FER1L6: variants seen among roughly 807,000 people sequenced by gnomAD.
FER1L6 encodes fer-1 like family member 6, also known as fer-1-like protein 6.
In FER1L6, 177 loss-of-function variants were observed where a neutral mutation model predicts 219.2. That is an observed-to-expected ratio of 0.81 (90% CI 0.71 to 0.91). FER1L6 has a LOEUF of 0.91. FER1L6 is among the 40% of genes least tolerant of loss of function. The probability of loss-of-function intolerance (pLI) is 0.00; values close to 1 mark genes in which losing one functional copy is unlikely to be tolerated. For missense variants in FER1L6, 2,153 were observed against 2,259.9 expected (o/e 0.95, Z 0.96); for synonymous variants, 768 against 824.3 (o/e 0.93, Z 1.17).
chr8:123,865,759 AC>A, intron 1 of FER1L6, among the ~76,000 whole-genome samples: 1 of 151,206 alleles, frequency 6.6e-6, no homozygotes, highest in East Asian at 1.9e-4. Flanking sequence ...TGCGTCCGTC[AC>A]CCCTTTCTTT....
chr8:124,011,612 C>T (rs1016615712), intron 14 of FER1L6, among the ~76,000 whole-genome samples: 3 of 150,862 alleles, frequency 2.0e-5, no homozygotes, highest in Non-Finnish European at 2.9e-5. Context: ...CCCAAGAAGT[C>T]GGAACTACAG....
rs376127753 is a variant in FER1L6, at chr8:124,086,129, CG to C, written c.4391+3673del. On this transcript the variant is annotated intron_variant, in intron 33 of 40. Coordinates refer to ENST00000522917, the MANE Select transcript of FER1L6 (RefSeq NM_001039112.2). ...GTAAAGTATGTTTTTTTGTAGGCAA[CG>C]GAGTATTGGGTCTTGTGTTTTTATC... Among the ~76,000 whole-genome samples, 39 of 147,676 alleles carry C rather than the reference CG, an allele frequency of 2.6e-4. No homozygotes were observed. The East Asian group carries it at 3.4e-3, about 13-fold the overall frequency.
intron 37 of FER1L6, among the ~76,000 whole-genome samples, chr8:124,098,994 CTCT>C (rs1822430557): frequency 6.6e-6 from 1 of 152,220 alleles, no homozygotes; most frequent in African/African-American, 2.4e-5. Context: ...ATCTAAGCAT[CTCT>C]TCTTTTTGAA....
intron 14 of FER1L6, among the ~76,000 whole-genome samples, chr8:124,011,831 T>C (rs1817948111): frequency 6.6e-6 from 1 of 152,192 alleles, no homozygotes; most frequent in Non-Finnish European, 1.5e-5. Flanking sequence ...CTTTACAATA[T>C]ATTTGTGTGT....
intron 19 of FER1L6, among the ~76,000 whole-genome samples, chr8:124,036,623 G>A (rs1258186960): frequency 6.6e-6 from 1 of 152,038 alleles, no homozygotes; most frequent in African/African-American, 2.4e-5. Flanking sequence ...TCATCTTTGG[G>A]TAAAAAACAT....
rs190422605 is a variant in FER1L6 at position 123,970,425 on chromosome 8, T to G, written c.447+328T>G. ...TTAATGCATTGTCAGTTTTAGTTTG[T>G]TTTTTTTTAAATCAGGCAAATGTAG... On this transcript the variant is annotated intron_variant, in intron 6 of 40. Coordinates refer to ENST00000522917, the MANE Select transcript of FER1L6 (RefSeq NM_001039112.2). 6.0e-3 allele frequency among the ~76,000 whole-genome samples: 899 copies of G among 150,522 alleles called. 10 individuals are homozygous for G. The highest frequency in any genetic ancestry group is 0.021 in the African/African-American group (860 of 40,326).
At chr8:123,938,967 A>G (rs1186559681) in intron 1 of FER1L6, among the ~76,000 whole-genome samples, 2 of 152,248 alleles carry the variant, frequency 1.3e-5, no homozygotes, top group African/African-American at 4.8e-5. Flanking sequence ...AGGGAAGAGT[A>G]CACTGTTCGA....
chr8:123,890,625 A>AT (rs59914385), intron 1 of FER1L6, among the ~76,000 whole-genome samples: 22,746 of 90,780 alleles, frequency 0.25, 3,558 homozygotes, highest in East Asian at 0.42. Flanking sequence ...TAAAAATTTG[A>AT]TTTTTTTTTT....
intron 33 of FER1L6, among the ~76,000 whole-genome samples, chr8:124,085,030 A>G (rs980293538): frequency 1.3e-5 from 2 of 152,092 alleles, no homozygotes; most frequent in African/African-American, 4.8e-5. Context: ...TAGGTTTTCC[A>G]ATTTATTTGC....
intron 4 of FER1L6, 22 bp downstream of exon 4, chr8:123,966,083 C>T: frequency 1.2e-6 from 2 of 1,613,378 alleles, no homozygotes; most frequent in East Asian, 2.2e-5. Context: ...GCTCTTCCTG[C>T]CCAGCCTCCC....
chr8:124,054,426 AC>A (rs1820188026), intron 22 of FER1L6, among the ~76,000 whole-genome samples: 1 of 152,176 alleles, frequency 6.6e-6, no homozygotes, highest in African/African-American at 2.4e-5. Context: ...GCAACAAAGA[AC>A]TTTTTTTTTA....
At chr8:123,906,408 A>G (rs1244990657) in intron 1 of FER1L6, among the ~76,000 whole-genome samples, 1 of 152,152 alleles carries the variant, frequency 6.6e-6, no homozygotes, top group African/African-American at 2.4e-5. Context: ...CATATATCCA[A>G]TATGGCTTAT....
At chr8:123,939,988 T>C (rs1024363014) in intron 1 of FER1L6, among the ~76,000 whole-genome samples, 6 of 152,178 alleles carry the variant, frequency 3.9e-5, no homozygotes, top group African/African-American at 1.4e-4. Context: ...GCTTTTCAAG[T>C]GTATCAGCTG....
chr8:124,095,104 C>G (rs1487890187), intron 35 of FER1L6, 66 bp downstream of exon 35: 3 of 1,584,346 alleles, frequency 1.9e-6, no homozygotes, highest in Non-Finnish European at 2.6e-6. Context: ...TGGTTTTCAT[C>G]CAGGAACAAT....
At chr8:123,889,017 CG>C (rs1397110507) in intron 1 of FER1L6, among the ~76,000 whole-genome samples, 1 of 152,094 alleles carries the variant, frequency 6.6e-6, no homozygotes, top group Non-Finnish European at 1.5e-5. Flanking sequence ...TCAGAATTGT[CG>C]CATACATTTT....
chr8:123,930,910 T>C (rs543355974), intron 1 of FER1L6, among the ~76,000 whole-genome samples: 2 of 152,296 alleles, frequency 1.3e-5, no homozygotes, highest in South Asian at 2.1e-4. Context: ...GGGTTGAGCA[T>C]CTTCCTGGAG....
chr8:123,860,472 T>G (rs1253819216), intron 1 of FER1L6, among the ~76,000 whole-genome samples: 2 of 101,744 alleles, frequency 2.0e-5, no homozygotes, highest in Admixed American at 1.1e-4. Flanking sequence ...GCAGCATGAT[T>G]TATAGTCATT....
chr8:123,857,355 T>A (rs775124054), intron 1 of FER1L6, among the ~76,000 whole-genome samples: 1 of 152,004 alleles, frequency 6.6e-6, no homozygotes, highest in Non-Finnish European at 1.5e-5. Context: ...AAAAATTTTT[T>A]AAAAATTAGC....
At chr8:124,090,328 CCATT>C (rs1472122349) in intron 33 of FER1L6, among the ~76,000 whole-genome samples, 7 of 152,298 alleles carry the variant, frequency 4.6e-5, no homozygotes, top group South Asian at 2.1e-4. Flanking sequence ...TGAGAGAATT[CCATT>C]CAGACAGTGA....
Sources: allele counts gnomAD v4.1 joint callset (sites outside exome capture counted in the v4.1 genomes callset), GRCh38; gene constraint gnomAD v4.1.1; transcripts MANE v1.5; gene names NCBI Gene and HGNC (gene_info 2026-07-23, HGNC 2026-07-21).